Variants in GRIP1 observed in about 807,000 individuals in gnomAD.
GRIP1 encodes the protein glutamate receptor interacting protein 1, also known as glutamate receptor-interacting protein 1.
GRIP1 carries 45 observed loss-of-function variants against 129.9 expected under a neutral mutation model. The ratio of observed to expected loss-of-function variants is 0.35; its 90% CI spans 0.27 to 0.44. The LOEUF (loss-of-function observed/expected upper bound fraction) is 0.44, where lower values mean the gene tolerates loss of function less well. GRIP1 is among the 20% of genes least tolerant of loss of function. The pLI is 1.00. For synonymous variants in GRIP1, 530 were observed against 520.8 expected (o/e 1.02, Z -0.24); for missense variants, 1,196 against 1,396.8 (o/e 0.86, Z 2.29).
intron 15 of GRIP1, among the ~76,000 whole-genome samples, chr12:66,418,660 G>T (rs117393849): frequency 4.7e-4 from 72 of 152,178 alleles, no homozygotes; most frequent in Admixed American, 7.9e-4. Flanking sequence ...CTCAAAAGAA[G>T]ACATACAAAT....
intron 14 of GRIP1, among the ~76,000 whole-genome samples, chr12:66,425,284 C>T (rs2137887785): frequency 6.6e-6 from 1 of 152,244 alleles, no homozygotes; most frequent in Non-Finnish European, 1.5e-5. Flanking sequence ...TACCATCTCA[C>T]ACCAGTTAGA....
intron 2 of GRIP1, among the ~76,000 whole-genome samples, chr12:66,544,734 G>A (rs1259480855): frequency 6.6e-6 from 1 of 152,166 alleles, no homozygotes; most frequent in Non-Finnish European, 1.5e-5. Context: ...GGATGTTTCT[G>A]TAGGGGGTGG....
chr12:66,528,823 T>C (rs2061350659), intron 5 of GRIP1, among the ~76,000 whole-genome samples: 1 of 152,164 alleles, frequency 6.6e-6, no homozygotes, highest in African/African-American at 2.4e-5. Flanking sequence ...TCATTCAATG[T>C]TGCGTTTATT....
chr12:66,633,535 A>G (rs969045565), intron 1 of GRIP1, among the ~76,000 whole-genome samples: 1 of 152,086 alleles, frequency 6.6e-6, no homozygotes, highest in Admixed American at 6.6e-5. Flanking sequence ...ATGTGGAGAG[A>G]GAGGGAAATG....
chr12:66,710,604 TG>T (rs1336091448), intron 1 of GRIP1, among the ~76,000 whole-genome samples: 1 of 151,996 alleles, frequency 6.6e-6, no homozygotes, highest in African/African-American at 2.4e-5. Flanking sequence ...GAGAATTTAC[TG>T]TTGCTATAAC....
intron 1 of GRIP1, among the ~76,000 whole-genome samples, chr12:66,709,479 G>A (rs1371590598): frequency 2.6e-5 from 4 of 151,940 alleles, no homozygotes; most frequent in Non-Finnish European, 5.9e-5. Context: ...GCTGGCAAGA[G>A]GTTGTGAAGT....
At chr12:66,863,982 T>C (rs866925863) in intron 1 of GRIP1, among the ~76,000 whole-genome samples, 4 of 152,178 alleles carry the variant, frequency 2.6e-5, no homozygotes, top group Middle Eastern at 3.4e-3. Flanking sequence ...CTAGAAGGTT[T>C]TGAGCAGAAA....
chr12:66,922,201 A>C (rs1446943140), intron 1 of GRIP1, among the ~76,000 whole-genome samples: 1 of 152,190 alleles, frequency 6.6e-6, no homozygotes, highest in Non-Finnish European at 1.5e-5. Flanking sequence ...ATCAGCAGTA[A>C]ACACTTTTTT....
At chr12:67,052,344 T>A (rs934417553) in intron 1 of GRIP1, among the ~76,000 whole-genome samples, 1 of 152,226 alleles carries the variant, frequency 6.6e-6, no homozygotes, top group Non-Finnish European at 1.5e-5. Flanking sequence ...CAAGAAAACC[T>A]GGACATTGTT....
At chr12:66,522,814 C>T (rs984428151) in intron 5 of GRIP1, among the ~76,000 whole-genome samples, 2 of 151,944 alleles carry the variant, frequency 1.3e-5, no homozygotes, top group African/African-American at 4.8e-5. Flanking sequence ...CTAGAATAAC[C>T]AATGCAGAGA....
chr12:66,496,975 A>C (rs968914415), intron 7 of GRIP1, among the ~76,000 whole-genome samples: 9 of 151,832 alleles, frequency 5.9e-5, no homozygotes, highest in South Asian at 2.1e-4. Context: ...CTGTTACTGC[A>C]TCTTTTACTA....
At chr12:66,932,176 G>T (rs1368608482) in intron 1 of GRIP1, among the ~76,000 whole-genome samples, 1 of 151,844 alleles carries the variant, frequency 6.6e-6, no homozygotes, top group Non-Finnish European at 1.5e-5. Flanking sequence ...CCACAAATTT[G>T]AAAAAGGTGG....
At chr12:66,779,173 A>G (rs1443129378) in intron 1 of GRIP1, among the ~76,000 whole-genome samples, 2 of 152,196 alleles carry the variant, frequency 1.3e-5, no homozygotes, top group African/African-American at 4.8e-5. Context: ...TTGCCCAAGG[A>G]CAATTTGTCT....
chr12:66,843,634 A>C (rs1024119855), intron 1 of GRIP1, among the ~76,000 whole-genome samples: 1 of 152,132 alleles, frequency 6.6e-6, no homozygotes, highest in East Asian at 1.9e-4. Context: ...CAGAATAAGG[A>C]ATGCCCAAAT....
At chr12:66,924,749 C>T (rs1352569421) in intron 1 of GRIP1, among the ~76,000 whole-genome samples, 4 of 152,094 alleles carry the variant, frequency 2.6e-5, no homozygotes, top group Non-Finnish European at 5.9e-5. Flanking sequence ...GGGTGGATCA[C>T]AAGGTCAGGA....
At chr12:66,482,315 G>A (rs939385218) in intron 7 of GRIP1, among the ~76,000 whole-genome samples, 7 of 152,260 alleles carry the variant, frequency 4.6e-5, no homozygotes, top group South Asian at 4.1e-4. Flanking sequence ...TGAGCCTGAT[G>A]AGCTGACATG....
chr12:66,946,857 C>G (rs2041679210), intron 1 of GRIP1, among the ~76,000 whole-genome samples: 1 of 150,426 alleles, frequency 6.6e-6, no homozygotes, highest in South Asian at 2.1e-4. Flanking sequence ...AGTTGGCCAA[C>G]ATGATGAAAT....
intron 1 of GRIP1, among the ~76,000 whole-genome samples, chr12:67,060,632 A>G (rs972377511): frequency 8.6e-5 from 13 of 151,934 alleles, no homozygotes; most frequent in African/African-American, 2.9e-4. Flanking sequence ...ACCAGCCTGG[A>G]CAACATGGTG....
At chr12:66,380,408 G>A (rs1050513554) in intron 19 of GRIP1, among the ~76,000 whole-genome samples, 2 of 152,178 alleles carry the variant, frequency 1.3e-5, no homozygotes, top group Non-Finnish European at 2.9e-5. Flanking sequence ...GAACTCAGAA[G>A]GGCAACGGAT....
Sources: allele counts gnomAD v4.1 joint callset (sites outside exome capture counted in the v4.1 genomes callset), GRCh38; gene constraint gnomAD v4.1.1; transcripts MANE v1.5; gene names NCBI Gene and HGNC (gene_info 2026-07-23, HGNC 2026-07-21).